The following VWF variants were observed in gnomAD, a reference collection of about 807,000 sequenced individuals.
VWF encodes von Willebrand factor.
VWF carries 176 observed loss-of-function variants against 308.6 expected under a neutral mutation model. That is an observed-to-expected ratio of 0.57 (90% confidence interval 0.50 to 0.65). The LOEUF is 0.65. Among genes scored for constraint, VWF ranks in the 30% least tolerant of loss-of-function variants. The pLI is 0.00. For synonymous variants in VWF, 1,385 were observed against 1,443.4 expected (o/e 0.96, Z 0.92); for missense variants, 3,146 against 3,648.2 (o/e 0.86, Z 3.55).
chr12:6,092,618 A>AGAGAGAGAGAGAGAGTGTGT (rs1301391895), intron 6 of VWF, among the ~76,000 whole-genome samples: 2 of 66,150 alleles, frequency 3.0e-5, no homozygotes, highest in Non-Finnish European at 2.9e-5. Context: ...AGTGAGTGAG[A>AGAGAGAGAGAGAGAGTGTGT]GTGTGTGTGT....
intron 21 of VWF, among the ~76,000 whole-genome samples, chr12:6,031,175 T>C (rs1944257430): frequency 2.6e-5 from 4 of 152,198 alleles, no homozygotes; most frequent in Admixed American, 2.6e-4. Flanking sequence ...GCACTGGTTC[T>C]TCCCACGTTT....
chr12:5,986,884 A>G (rs1943685729), intron 38 of VWF, among the ~76,000 whole-genome samples: 1 of 151,668 alleles, frequency 6.6e-6, no homozygotes, highest in Non-Finnish European at 1.5e-5. Context: ...ATCCAAATCC[A>G]TGGTTTGTTT....
At chr12:6,005,876 T>G (rs1339538387) in intron 34 of VWF, among the ~76,000 whole-genome samples, 1 of 152,176 alleles carries the variant, frequency 6.6e-6, no homozygotes, top group Non-Finnish European at 1.5e-5. Flanking sequence ...GAGTCCATCA[T>G]GTTGAAATAA....
chr12:6,090,679 C>G (rs1206630556), intron 6 of VWF, among the ~76,000 whole-genome samples: 1 of 151,878 alleles, frequency 6.6e-6, no homozygotes, highest in Non-Finnish European at 1.5e-5. Flanking sequence ...AACAGTTGAG[C>G]CCCACTGGGC....
In VWF at chr12:6,046,874, C is replaced by G. The variant is rs191968986; in HGVS notation, c.2187-57G>C. The G allele has an allele frequency of 1.1e-4, 164 of 1,509,142 alleles. 1 individual carries two copies. In the African/African-American group the frequency reaches 1.9e-3, roughly 18 times the overall value. 93.5% of individuals were successfully genotyped at this position (1,509,142 alleles called of 1,614,324 possible). ...CGAGACTCGTCTATACTCGCTGCCT[C>G]CACATCTTCACCTCCCACTCACTCT... On this transcript the variant is annotated intron_variant, in intron 16 of 51. Transcript: ENST00000261405. This position sits in a 1 kb window ranked among gnomAD's most constrained non-coding sequence, Gnocchi z 5.0.
chr12:6,036,060 G>C (rs1270040747), intron 19 of VWF, among the ~76,000 whole-genome samples: 1 of 152,064 alleles, frequency 6.6e-6, no homozygotes, highest in African/African-American at 2.4e-5. Flanking sequence ...TTTAGATTTA[G>C]GTCCCATCCC....
intron 5 of VWF, among the ~76,000 whole-genome samples, chr12:6,096,124 G>C (rs1432141520): frequency 6.6e-6 from 1 of 151,534 alleles, no homozygotes; most frequent in East Asian, 1.9e-4. Context: ...TGGATGGATG[G>C]ATGGATGGAT....
intron 47 of VWF, among the ~76,000 whole-genome samples, chr12:5,965,949 A>G (rs1464556987): frequency 6.6e-6 from 1 of 152,230 alleles, no homozygotes; most frequent in African/African-American, 2.4e-5. Flanking sequence ...TACACAGGCC[A>G]AATGGGGCCA....
At position 5,992,035 on chromosome 12, in the gene VWF, A is replaced by T. The variant is rs1266219222; in HGVS notation, c.6599-17T>A. On this transcript the variant is annotated splice_polypyrimidine_tract_variant and intron_variant, in intron 37 of 51. Transcript: ENST00000261405. ...ATGACATAGCTGTAGACAGAGAAGG[A>T]GGTCACTTGCAAAGGCCCACACCAG... The T allele has an allele frequency of 1.2e-6, 2 of 1,613,272 alleles. No individual in the cohort carries two copies.
In VWF at chr12:6,046,792, A is replaced by G; in HGVS notation, c.2212T>C (p.Cys738Arg). ...MCYCEDGFMH[C>R]TMSGVPGSLL... ...CTTCCGGGGACTCCACTCATGGTAC[A>G]GTGCATGAAGCCATCCTCACAGTAG... Residue 738 changes from cysteine to arginine, a missense_variant, in exon 17 of 52, where the codon TGT becomes CGT. Cys to Arg is a radical substitution (Grantham distance 180, BLOSUM62 -3). This residue lies in a region of VWF where 1,304 missense variants were observed against 1,353.0 expected (regional missense o/e 0.96). Coordinates refer to ENST00000261405, the MANE Select transcript of VWF (RefSeq NM_000552.5). The surrounding 1 kb of genome is among the most constrained non-coding windows in gnomAD (Gnocchi z 5.0). 6.2e-7 allele frequency: 1 copy of G among 1,614,150 alleles called. No individual in the cohort carries two copies. Among genetic ancestry groups the G allele is most frequent in the African/African-American group, 1.3e-5 (1 of 75,064 alleles).
intron 18 of VWF, among the ~76,000 whole-genome samples, chr12:6,041,451 A>G (rs78825747): frequency 6.6e-6 from 1 of 151,486 alleles, no homozygotes; most frequent in Middle Eastern, 3.2e-3. Context: ...TAAAAAAAAA[A>G]GAAATTTTTT....
chr12:6,073,472 C>T (rs996689111), intron 8 of VWF, 147 bp downstream of exon 8: 1 of 1,121,006 alleles, frequency 8.9e-7, no homozygotes, highest in Non-Finnish European at 1.3e-6. Context: ...CAATCCTGAT[C>T]ACGCTGGACA....
intron 5 of VWF, among the ~76,000 whole-genome samples, chr12:6,108,149 C>T (rs1945263807): frequency 6.6e-6 from 1 of 151,618 alleles, no homozygotes; most frequent in African/African-American, 2.4e-5. Context: ...CAAAAATTAG[C>T]CAGGCGTGGT....
At chr12:6,071,958 C>T (rs1462018985) in intron 9 of VWF, among the ~76,000 whole-genome samples, 1 of 152,126 alleles carries the variant, frequency 6.6e-6, no homozygotes, top group African/African-American at 2.4e-5. Context: ...AACTTCCTAC[C>T]ACCTAGCAGA....
At chr12:6,106,181 G>T (rs1051530844) in intron 5 of VWF, among the ~76,000 whole-genome samples, 1 of 152,178 alleles carries the variant, frequency 6.6e-6, no homozygotes, top group African/African-American at 2.4e-5. Flanking sequence ...AGCAAAGTAC[G>T]TACGGTCTGT....
chr12:5,968,378 G>A (rs1036518617), intron 45 of VWF, among the ~76,000 whole-genome samples: 7 of 152,152 alleles, frequency 4.6e-5, no homozygotes, highest in African/African-American at 1.4e-4. Flanking sequence ...ACAATGAGAA[G>A]AGCCCCGTAC....
chr12:6,072,088 GT>G (rs1243185628), intron 9 of VWF, among the ~76,000 whole-genome samples: 1 of 152,210 alleles, frequency 6.6e-6, no homozygotes, highest in Non-Finnish European at 1.5e-5. Flanking sequence ...ATGTCTGCAC[GT>G]GAAGGATCCT....
In VWF at chr12:6,011,621, G is replaced by A. The variant is rs1943994764; in HGVS notation, c.5838C>T (p.Cys1946=). 1.2e-6 allele frequency: 2 copies of A among 1,607,610 alleles called. No homozygotes were observed. The highest frequency in any genetic ancestry group is 1.1e-5 in the South Asian group (1 of 89,630). The part of the protein sequence containing the change: ...VEETCGCRWT[C]PCVCTGSSTR... ...CTGGAGAAGCAAAGGACTCACAGGG[G>A]CAGGTCCAGCGGCAGCCACAGGTCT... The change falls in exon 34 of 52, where the codon TGC becomes TGT. Residue 1946 remains cysteine, a synonymous_variant. Coordinates refer to ENST00000261405, the MANE Select transcript of VWF (RefSeq NM_000552.5).
In VWF at chr12:5,952,414, C is replaced by T. The variant is rs1480797105; in HGVS notation, c.8092G>A (p.Glu2698Lys). The change falls in exon 49 of 52, where the codon GAA (glutamate) becomes AAA (lysine). Residue 2698 changes from glutamate to lysine, a missense_variant. Around this residue, in one of 3 missense-constraint regions of VWF, gnomAD observed 989 missense variants for 1,117.4 expected, o/e 0.89. Transcript: ENST00000261405. ...KRVTGCPPFD[E>K]HKCLAEGGKI... ...ACTCCCTCAGCCAGACACTTGTGTT[C>T]ATCAAAGGGTGGGCAGCCTGTGACC... 1 of 1,613,950 alleles carries T rather than the reference C, an allele frequency of 6.2e-7. No homozygotes were observed. Among genetic ancestry groups the T allele is most frequent in the Non-Finnish European group, 8.5e-7 (1 of 1,179,948 alleles).
Sources: allele counts gnomAD v4.1 joint callset (sites outside exome capture counted in the v4.1 genomes callset), GRCh38; gene constraint gnomAD v4.1.1; regional missense constraint gnomAD v4.1.1; non-coding constraint Gnocchi (gnomAD v3.1); transcripts MANE v1.5; gene names NCBI Gene and HGNC (gene_info 2026-07-23, HGNC 2026-07-21).